Variants in ARID1B observed in about 807,000 individuals in gnomAD.
ARID1B encodes the protein AT-rich interaction domain 1B, also known as AT-rich interactive domain-containing protein 1B.
A neutral mutation model predicts 212.3 loss-of-function variants in ARID1B; 30 were observed. That is an observed-to-expected ratio of 0.14 (90% confidence interval 0.11 to 0.19). The LOEUF (loss-of-function observed/expected upper bound fraction) is 0.19, where lower values mean the gene tolerates loss of function less well. Ranked by LOEUF, ARID1B falls within the 10% of genes least tolerant of loss-of-function variation. ARID1B has a pLI of 1.00. For synonymous variants in ARID1B, 1,402 were observed against 1,301.7 expected, an observed-to-expected ratio of 1.08 and a Z score of -1.66; for missense variants, 2,891 against 3,204.0, an observed-to-expected ratio of 0.90 and a Z score of 2.36.
At chr6:156,974,756 T>C (rs1469039819) in intron 4 of ARID1B, among the ~76,000 whole-genome samples, 1 of 152,228 alleles carries the variant, frequency 6.6e-6, no homozygotes, top group Non-Finnish European at 1.5e-5. Flanking sequence ...ATATATGCTT[T>C]CACTTATCAG....
chr6:156,806,691 G>A (rs4870490), intron 1 of ARID1B, among the ~76,000 whole-genome samples: 10,419 of 152,278 alleles, frequency 0.068, 400 homozygotes, highest in South Asian at 0.087. Context: ...CCAAATCTGA[G>A]CTTTTGCACC....
intron 5 of ARID1B, among the ~76,000 whole-genome samples, chr6:157,103,361 G>A (rs1251151287): frequency 6.6e-6 from 1 of 152,112 alleles, no homozygotes; most frequent in Non-Finnish European, 1.5e-5. Flanking sequence ...AATGTACATT[G>A]TAGTCAGTTG....
intron 2 of ARID1B, among the ~76,000 whole-genome samples, chr6:156,872,781 GC>G (rs1786245304): frequency 6.6e-6 from 1 of 151,484 alleles, no homozygotes; most frequent in Non-Finnish European, 1.5e-5. Context: ...TCCAACTGCT[GC>G]CCCCACGCTG....
At chr6:156,975,628 T>TTC (rs1314943901) in intron 4 of ARID1B, among the ~76,000 whole-genome samples, 1 of 150,868 alleles carries the variant, frequency 6.6e-6, no homozygotes, top group African/African-American at 2.4e-5. Context: ...TTTTTTTTTT[T>TTC]TTCAGTTCCT....
chr6:156,867,292 G>C (rs1310819296), intron 2 of ARID1B, among the ~76,000 whole-genome samples: 2 of 152,212 alleles, frequency 1.3e-5, no homozygotes, highest in Non-Finnish European at 2.9e-5. Flanking sequence ...CGGCAGTCCT[G>C]TGCTGGGAGC....
intron 2 of ARID1B, among the ~76,000 whole-genome samples, chr6:156,893,158 T>G (rs1788096636): frequency 6.6e-6 from 1 of 151,542 alleles, no homozygotes; most frequent in Non-Finnish European, 1.5e-5. Flanking sequence ...TTCTCCTGCC[T>G]TAGCCTCCTG....
chr6:156,934,392 T>C (rs1187526692), intron 3 of ARID1B, among the ~76,000 whole-genome samples: 2 of 152,162 alleles, frequency 1.3e-5, no homozygotes, highest in Non-Finnish European at 2.9e-5. Flanking sequence ...TTCAGCACAA[T>C]GCTGAAACCA....
chr6:157,191,245 C>T (rs1311272362), intron 15 of ARID1B, among the ~76,000 whole-genome samples: 2 of 151,738 alleles, frequency 1.3e-5, no homozygotes, highest in African/African-American at 4.8e-5. Context: ...ACAGAGGGAA[C>T]CCGCCGGCAG....
chr6:157,067,265 G>A (rs1394615637), intron 4 of ARID1B, among the ~76,000 whole-genome samples: 2 of 152,326 alleles, frequency 1.3e-5, no homozygotes, highest in African/African-American at 4.8e-5. Context: ...AACCAAGTTC[G>A]AGTCACAAAG....
intron 4 of ARID1B, among the ~76,000 whole-genome samples, chr6:157,057,365 C>T (rs1376882049): frequency 6.6e-6 from 1 of 152,044 alleles, no homozygotes; most frequent in Non-Finnish European, 1.5e-5. Context: ...TTTTAAAAAT[C>T]CAAACTATCC....
At chr6:156,975,608 T>C (rs538554420) in intron 4 of ARID1B, among the ~76,000 whole-genome samples, 5 of 140,940 alleles carry the variant, frequency 3.5e-5, no homozygotes, top group South Asian at 2.2e-4. Flanking sequence ...CTGTATTTTT[T>C]TTTTCTTTTT....
chr6:156,970,188 C>A (rs578006845), intron 4 of ARID1B, among the ~76,000 whole-genome samples: 1 of 152,230 alleles, frequency 6.6e-6, no homozygotes, highest in East Asian at 1.9e-4. Context: ...TCAAGCAATT[C>A]TCCTGCCTCA....
chr6:156,855,727 G>A (rs531935700), intron 2 of ARID1B, among the ~76,000 whole-genome samples: 6 of 152,284 alleles, frequency 3.9e-5, no homozygotes, highest in African/African-American at 1.4e-4. Flanking sequence ...GTCTTTGTGT[G>A]TGTGAGTGTG....
At chr6:157,058,849 A>C (rs1783144177) in intron 4 of ARID1B, among the ~76,000 whole-genome samples, 1 of 152,138 alleles carries the variant, frequency 6.6e-6, no homozygotes. Context: ...GAAGAGGGAA[A>C]ATACCACGTG....
intron 2 of ARID1B, among the ~76,000 whole-genome samples, chr6:156,854,658 C>T (rs1490604116): frequency 6.6e-6 from 1 of 152,246 alleles, no homozygotes; most frequent in Non-Finnish European, 1.5e-5. Context: ...GGTGTGCCCC[C>T]GCACCCATCC....
chr6:157,175,594 AC>A (rs1792046940), intron 11 of ARID1B: 4 of 152,256 alleles, frequency 2.6e-5, no homozygotes, highest in Admixed American at 1.3e-4. Flanking sequence ...AATAATGTGT[AC>A]CTATGTTAGA....
chr6:157,175,247 C>T, intron 11 of ARID1B: 1 of 252,370 alleles, frequency 4.0e-6, no homozygotes, highest in Non-Finnish European at 7.3e-6. Flanking sequence ...AGAAGCACCT[C>T]TATACAAAGC....
At chr6:156,862,207 C>T (rs549912540) in intron 2 of ARID1B, among the ~76,000 whole-genome samples, 21 of 151,802 alleles carry the variant, frequency 1.4e-4, no homozygotes, top group African/African-American at 5.1e-4. Context: ...CTGTGTGGCT[C>T]AGTGGTTCTG....
chr6:157,194,267 T>C (rs1793573638), intron 15 of ARID1B: 1 of 152,246 alleles, frequency 6.6e-6, no homozygotes, highest in Non-Finnish European at 1.5e-5. Context: ...TGTTTTCACA[T>C]CTACAAAATA....
Sources: gnomAD v4.1 joint callset for allele counts (sites outside exome capture counted in the v4.1 genomes callset) on GRCh38, gnomAD v4.1.1 for gene constraint, MANE v1.5 for transcripts, NCBI Gene and HGNC (gene_info 2026-07-23, HGNC 2026-07-21) for gene names.